MEAF6: variants seen among roughly 807,000 people sequenced by gnomAD.
MEAF6 encodes chromatin modification-related protein MEAF6.
Under a neutral mutation model 28.9 loss-of-function variants are expected in MEAF6, and 15 were observed. The ratio of observed to expected loss-of-function variants is 0.52; its 90% CI spans 0.35 to 0.80. MEAF6 has a LOEUF of 0.80. Among genes scored for constraint, MEAF6 ranks in the 30% least tolerant of loss-of-function variants. The probability of loss-of-function intolerance (pLI) is 0.01; values close to 1 mark genes in which losing one functional copy is unlikely to be tolerated. For missense variants in MEAF6, 178 were observed against 237.5 expected (o/e 0.75, Z 1.65); for synonymous variants, 97 against 88.7 (o/e 1.09, Z -0.53).
At chr1:37,510,144 T>G (rs1442734535) in intron 2 of MEAF6, among the ~76,000 whole-genome samples, 2 of 149,874 alleles carry the variant, frequency 1.3e-5, no homozygotes, top group East Asian at 3.9e-4. Flanking sequence ...ATGGGAAATC[T>G]CAGCTCGCTG....
At chr1:37,495,707 A>AAAAAAAAAAAAAAAAAAAAAAAAAC (rs1642107037) in intron 6 of MEAF6, among the ~76,000 whole-genome samples, 178 bp downstream of exon 6, 1 of 98,506 alleles carries the variant, frequency 1.0e-5, no homozygotes, top group East Asian at 2.5e-4. Flanking sequence ...CAAAAAACAA[A>AAAAAAAAAAAAAAAAAAAAAAAAAC]AAAAAAAAAA....
At chr1:37,499,962 A>G (rs1223730505) in intron 5 of MEAF6, among the ~76,000 whole-genome samples, 1 of 152,236 alleles carries the variant, frequency 6.6e-6, no homozygotes, top group Non-Finnish European at 1.5e-5. Context: ...ACTTTCAAAG[A>G]GTTTCCTCCC....
In MEAF6 at chr1:37,495,868, G is replaced by A; in HGVS notation, c.567+17C>T. 1 of 1,613,730 alleles carries A rather than the reference G, an allele frequency of 6.2e-7. No homozygotes were observed. Among genetic ancestry groups the A allele is most frequent in the Non-Finnish European group, 8.5e-7 (1 of 1,179,724 alleles). On this transcript the variant is annotated intron_variant, in intron 6 of 6. Transcript: ENST00000296214. ...CAAAATTGCCAGCCTCTCTGAAGTGGTCCGGCTGATACTTACAGCTCGTGG... is the reference window on the plus strand; with the variant it reads ...CAAAATTGCCAGCCTCTCTGAAGTGATCCGGCTGATACTTACAGCTCGTGG...
At chr1:37,514,359 T>TTCCTAGCGCCCTCTCCCC (rs1463021489) in intron 1 of MEAF6, 4 of 108,638 alleles carry the variant, frequency 3.7e-5, no homozygotes, top group African/African-American at 1.5e-4. Flanking sequence ...ACGCTCGCCC[T>TTCCTAGCGCCCTCTCCCC]TCCTAGCGCC....
intron 5 of MEAF6, among the ~76,000 whole-genome samples, chr1:37,499,919 A>C (rs981226174): frequency 1.3e-5 from 2 of 152,226 alleles, no homozygotes; most frequent in African/African-American, 4.8e-5. Context: ...CTATCTACAG[A>C]CTATTAATCA....
At chr1:37,501,697 T>A in intron 5 of MEAF6, 107 bp downstream of exon 5, 1 of 1,145,350 alleles carries the variant, frequency 8.7e-7, no homozygotes, top group Non-Finnish European at 1.2e-6. Flanking sequence ...TTTCTTGCCA[T>A]CAGCAACAGA....
chr1:37,496,671 A>G (rs917762408), intron 5 of MEAF6: 5 of 1,576,204 alleles, frequency 3.2e-6, no homozygotes, highest in Admixed American at 3.5e-5. Context: ...TCTACACACT[A>G]AACACAGCAC....
chr1:37,496,017 T>C (rs1215997453), intron 5 of MEAF6, 99 bp from the exon 6 acceptor site: 1 of 983,168 alleles, frequency 1.0e-6, no homozygotes, highest in African/African-American at 1.6e-5. Flanking sequence ...CAAAGACTAT[T>C]TGGTTAAGAA....
At chr1:37,496,655 C>T in intron 5 of MEAF6, 2 of 1,543,340 alleles carry the variant, frequency 1.3e-6, no homozygotes, top group Non-Finnish European at 8.9e-7. Context: ...AAAAGGCATA[C>T]TGGTGTCTAC....
rs1016560663 is a variant in MEAF6 at position 37,493,257 on chromosome 1, A to C, written c.*842T>G. ...GAAAAAGAAATTTCCATAAGGCATG[A>C]TATGAATAAATAAGTGAAAAAACAA... On this transcript the variant is annotated 3_prime_UTR_variant, in exon 7 of 7. Coordinates refer to ENST00000296214, the MANE Select transcript of MEAF6 (RefSeq NM_001270875.3). 1.3e-5 allele frequency: 2 copies of C among 152,836 alleles called. No individual in the cohort carries two copies. The highest frequency in any genetic ancestry group is 1.3e-4 in the Admixed American group (2 of 15,304). The allele number at this position is 152,836 out of a possible 1,614,324, so 9.5% of individuals were successfully genotyped here. A position where few individuals can be genotyped will look rare whatever the true frequency, so the allele number is the denominator to read the frequency against.
intron 5 of MEAF6, chr1:37,496,477 T>C: frequency 1.3e-6 from 1 of 796,408 alleles, no homozygotes; most frequent in Non-Finnish European, 1.8e-6. Flanking sequence ...GTTATCTATT[T>C]TAAAAGAAAT....
chr1:37,496,681 C>T (rs780106334), intron 5 of MEAF6: 6 of 1,583,864 alleles, frequency 3.8e-6, no homozygotes, highest in East Asian at 2.3e-5. Context: ...AAACACAGCA[C>T]AAATACTAAT....
In MEAF6 at chr1:37,493,965, C is replaced by G; in HGVS notation, c.*134G>C. On this transcript the variant is annotated 3_prime_UTR_variant, in exon 7 of 7. Transcript: ENST00000296214. ...GTCACCACATTTAGAACAAACTACT[C>G]AAAGTCACAGGCACTGGGTCTGGGA... 6.4e-7 allele frequency: 1 copy of G among 1,574,214 alleles called. No individual in the cohort carries two copies. The highest frequency in any genetic ancestry group is 2.2e-5 in the East Asian group (1 of 44,570).
chr1:37,499,333 T>C (rs893204904), intron 5 of MEAF6, among the ~76,000 whole-genome samples: 1 of 152,172 alleles, frequency 6.6e-6, no homozygotes, highest in Non-Finnish European at 1.5e-5. Context: ...TATGGCACAC[T>C]GGAGGATAAA....
intron 5 of MEAF6, among the ~76,000 whole-genome samples, chr1:37,501,227 T>C (rs769501938): frequency 1.1e-4 from 16 of 152,172 alleles, no homozygotes; most frequent in Non-Finnish European, 2.4e-4. Flanking sequence ...ACGTTACCTA[T>C]GAAGACACTC....
rs1401879235 is a variant in MEAF6 at position 37,495,701 on chromosome 1, A to AC, written c.567+183_567+184insG. Among the ~76,000 whole-genome samples, 25 of 114,072 alleles carry AC rather than the reference A, an allele frequency of 2.2e-4. 2 individuals carry two copies. Among genetic ancestry groups the AC allele is most frequent in the South Asian group, 5.0e-4 (2 of 4,006 alleles). The allele number at this position is 114,072 out of a possible 152,430, so 74.8% of individuals were successfully genotyped here. On this transcript the variant is annotated intron_variant, in intron 6 of 6. Coordinates refer to ENST00000296214, the MANE Select transcript of MEAF6 (RefSeq NM_001270875.3). ...CTGTCTCTCAAAAAAAAAAAACAAA[A>AC]AACAAAAAAAAAAAAAAACAAAAAA...
At chr1:37,505,995 G>A (rs879341693) in intron 4 of MEAF6, among the ~76,000 whole-genome samples, 3 of 152,166 alleles carry the variant, frequency 2.0e-5, no homozygotes, top group Non-Finnish European at 2.9e-5. Context: ...ATGCCTGGCC[G>A]GGCGCAGTGG....
chr1:37,495,696 AC>A (rs61058093), intron 6 of MEAF6, among the ~76,000 whole-genome samples, 188 bp downstream of exon 6: 22,655 of 105,194 alleles, frequency 0.22, 2,728 homozygotes, highest in East Asian at 0.31. Flanking sequence ...AAAAAAAAAA[AC>A]AAAAAACAAA....
intron 5 of MEAF6, chr1:37,496,667 C>T: frequency 1.3e-6 from 2 of 1,562,246 alleles, no homozygotes; most frequent in South Asian, 2.3e-5. Context: ...GGTGTCTACA[C>T]ACTAAACACA....
Sources: gnomAD v4.1 joint callset for allele counts (sites outside exome capture counted in the v4.1 genomes callset) on GRCh38, gnomAD v4.1.1 for gene constraint, MANE v1.5 for transcripts, NCBI Gene and HGNC (gene_info 2026-07-23, HGNC 2026-07-21) for gene names.